RASSF6: variants seen among roughly 807,000 people sequenced by gnomAD.
RASSF6 encodes the protein ras association domain-containing protein 6.
Under a neutral mutation model 44.0 loss-of-function variants are expected in RASSF6, and 52 were observed. That is an observed-to-expected ratio of 1.18 (90% confidence interval 0.95 to 1.49). The LOEUF (loss-of-function observed/expected upper bound fraction) is 1.49, where lower values mean the gene tolerates loss of function less well. Ranked by LOEUF, RASSF6 falls within the 40% of genes most tolerant of loss-of-function variation. The pLI is 0.00. For synonymous variants in RASSF6, 162 were observed against 124.6 expected (o/e 1.30, Z -2.00); for missense variants, 464 against 393.3 (o/e 1.18, Z -1.52).
chr4:73,590,131 A>G (rs1724424829), intron 4 of RASSF6, among the ~76,000 whole-genome samples: 1 of 152,236 alleles, frequency 6.6e-6, no homozygotes, highest in Non-Finnish European at 1.5e-5. Flanking sequence ...GATATGAGAG[A>G]TCAAAGTACT....
At chr4:73,589,994 C>A (rs955397032) in intron 4 of RASSF6, among the ~76,000 whole-genome samples, 1 of 151,984 alleles carries the variant, frequency 6.6e-6, no homozygotes, top group Non-Finnish European at 1.5e-5. Context: ...ATGACTTGTC[C>A]AAAATATGCA....
chr4:73,613,309 G>A (rs190293868), intron 1 of RASSF6, among the ~76,000 whole-genome samples: 3 of 152,138 alleles, frequency 2.0e-5, no homozygotes. Context: ...AAGCCACATG[G>A]GCATTTTATG....
chr4:73,613,651 C>G (rs1726170243), intron 1 of RASSF6, among the ~76,000 whole-genome samples: 1 of 152,014 alleles, frequency 6.6e-6, no homozygotes, highest in Admixed American at 6.6e-5. Flanking sequence ...CCAAAGAGTT[C>G]ACTTCTCTCC....
Position 73,581,868 on chromosome 4 carries a change from T to A in RASSF6, c.670A>T (p.Ile224Phe), listed in dbSNP as rs1375087265. Reference sequence around the variant, plus strand: ...GCAAAATCCTGGGGACTATTTTCAATCTGTCAAGGGAAAAAATGAACAAAT... The same window carrying A: ...GCAAAATCCTGGGGACTATTTTCAAACTGTCAAGGGAAAAAATGAACAAAT... The part of the protein sequence containing the change: ...VIKQLLQKFK[I>F]ENSPQDFALH... The change falls in exon 8 of 11, where the codon ATT becomes TTT. Residue 224 changes from isoleucine (I) to phenylalanine (F), a missense_variant and splice_region_variant. Coordinates refer to ENST00000307439, the MANE Select transcript of RASSF6 (RefSeq NM_177532.5). 1.2e-6 allele frequency: 2 copies of A among 1,608,776 alleles called. No homozygotes were observed. Among genetic ancestry groups the A allele is most frequent in the Non-Finnish European group, 1.7e-6 (2 of 1,175,838 alleles).
At chr4:73,620,509 TG>T, upstream of RASSF6, 1 of 1,533,844 alleles carries the variant, frequency 6.5e-7, no homozygotes, top group Non-Finnish European at 8.8e-7. Context: ...ATGGCTCAGC[TG>T]GGCGCTTGCA....
At chr4:73,593,680 G>T in intron 3 of RASSF6, 87 bp from the exon 4 acceptor site, 215 of 959,346 alleles carry the variant, frequency 2.2e-4, no homozygotes, top group Non-Finnish European at 2.2e-4. Flanking sequence ...AATTAAGTGC[G>T]TAAGAAACCT....
At chr4:73,619,063 A>C (rs1298357576) in intron 1 of RASSF6, among the ~76,000 whole-genome samples, 6 of 152,238 alleles carry the variant, frequency 3.9e-5, no homozygotes, top group African/African-American at 1.4e-4. Flanking sequence ...ACTTCAATAC[A>C]AACAATTCAA....
intron 2 of RASSF6, among the ~76,000 whole-genome samples, chr4:73,600,550 A>G (rs1371213349): frequency 6.6e-6 from 1 of 152,212 alleles, no homozygotes; most frequent in Non-Finnish European, 1.5e-5. Flanking sequence ...CAGAGCAGAA[A>G]CTTGCTCACA....
At chr4:73,597,300 A>G (rs1394829663) in intron 3 of RASSF6, among the ~76,000 whole-genome samples, 1 of 152,226 alleles carries the variant, frequency 6.6e-6, no homozygotes, top group Admixed American at 6.5e-5. Flanking sequence ...CAACCCCATT[A>G]AAAAGTGGGC....
In RASSF6 at chr4:73,597,191, C is replaced by T. The variant is rs143323124; in HGVS notation, c.144+1449G>A. On this transcript the variant is annotated intron_variant, in intron 3 of 10. Transcript: ENST00000307439. ...ATCAATAGAGTAAACAGACAATCTACAGAATGGGAGAATATTTTTGCAAAC... is the reference window on the plus strand; with the variant it reads ...ATCAATAGAGTAAACAGACAATCTATAGAATGGGAGAATATTTTTGCAAAC... Among the ~76,000 whole-genome samples the T allele has an allele frequency of 3.6e-3, 544 of 152,278 alleles. 3 individuals carry two copies. Among genetic ancestry groups the T allele is most frequent in the African/African-American group, 0.013 (521 of 41,560 alleles).
Position 73,585,149 on chromosome 4 carries a change from T to C in RASSF6, c.567+31A>G, listed in dbSNP as rs373346378. 212 of 1,479,332 alleles carry C rather than the reference T, an allele frequency of 1.4e-4. 1 individual carries two copies. The highest frequency in any genetic ancestry group is 1.3e-3 in the South Asian group (99 of 75,308). The allele number at this position is 1,479,332 out of a possible 1,614,324, so 91.6% of individuals were successfully genotyped here. A position where few individuals can be genotyped will look rare whatever the true frequency, so the allele number is the denominator to read the frequency against. ...TAGTGAAACAGGGAACCTTATTTTA[T>C]ATTACATTAATGGAATTGTAACTCA... On this transcript the variant is annotated intron_variant, in intron 6 of 10. Coordinates refer to ENST00000307439, the MANE Select transcript of RASSF6 (RefSeq NM_177532.5).
At chr4:73,593,252 G>C (rs538271156) in intron 4 of RASSF6, among the ~76,000 whole-genome samples, 199 bp downstream of exon 4, 4 of 152,108 alleles carry the variant, frequency 2.6e-5, no homozygotes, top group African/African-American at 9.7e-5. Flanking sequence ...CTGACCTCAG[G>C]TGATCCACCT....
chr4:73,598,940 A>G (rs1725109237), intron 2 of RASSF6, among the ~76,000 whole-genome samples: 1 of 152,244 alleles, frequency 6.6e-6, no homozygotes, highest in Non-Finnish European at 1.5e-5. Context: ...AAAGGTGGGA[A>G]ATGACTGAGG....
intron 1 of RASSF6, among the ~76,000 whole-genome samples, chr4:73,615,521 A>T (rs941838047): frequency 1.3e-5 from 2 of 152,248 alleles, no homozygotes; most frequent in Non-Finnish European, 2.9e-5. Context: ...GTAGAACATA[A>T]TAAACTACAA....
intron 4 of RASSF6, among the ~76,000 whole-genome samples, chr4:73,590,557 G>T (rs1299923299): frequency 4.6e-5 from 7 of 152,194 alleles, no homozygotes; most frequent in African/African-American, 7.2e-5. Flanking sequence ...AGGGTGTCTA[G>T]AACTGGATTG....
At chr4:73,603,938 G>C (rs1338066544) in intron 2 of RASSF6, 3 of 152,084 alleles carry the variant, frequency 2.0e-5, no homozygotes, top group African/African-American at 7.2e-5. Flanking sequence ...CCCTGTCCTA[G>C]TCTTTACAAA....
At chr4:73,581,365 C>G (rs932002933) in intron 8 of RASSF6, among the ~76,000 whole-genome samples, 1 of 152,174 alleles carries the variant, frequency 6.6e-6, no homozygotes, top group African/African-American at 2.4e-5. Flanking sequence ...GAATATGCAT[C>G]TCTACTGAGG....
At chr4:73,602,200 A>G (rs1201493938) in intron 2 of RASSF6, among the ~76,000 whole-genome samples, 1 of 152,240 alleles carries the variant, frequency 6.6e-6, no homozygotes, top group Non-Finnish European at 1.5e-5. Context: ...CTTGGAATTC[A>G]CTTCGCAGGC....
chr4:73,611,941 A>G, intron 1 of RASSF6, 112 bp from the exon 2 acceptor site: 1 of 614,744 alleles, frequency 1.6e-6, no homozygotes, highest in South Asian at 2.6e-5. Flanking sequence ...GGTTTTAGAA[A>G]GTTTTTAAGT....
Sources: gnomAD v4.1 joint callset for allele counts (sites outside exome capture counted in the v4.1 genomes callset) on GRCh38, gnomAD v4.1.1 for gene constraint, MANE v1.5 for transcripts, NCBI Gene and HGNC (gene_info 2026-07-23, HGNC 2026-07-21) for gene names.